IL17D: variants seen among roughly 807,000 people sequenced by gnomAD.
IL17D encodes the protein interleukin-17D.
IL17D carries 10 observed loss-of-function variants against 5.7 expected under a neutral mutation model. The ratio of observed to expected loss-of-function variants is 1.75; its 90% CI spans 1.08 to 2.97. The LOEUF is 2.97. IL17D is among the 30% of genes most tolerant of loss of function. The pLI, the probability that IL17D is intolerant of heterozygous loss-of-function variation, is 0.00. For synonymous variants in IL17D, 172 were observed against 141.7 expected (o/e 1.21, Z -1.52); for missense variants, 354 against 292.7 (o/e 1.21, Z -1.53).
chr13:20,706,946 A>G (rs1010313677), intron 1 of IL17D, among the ~76,000 whole-genome samples: 1 of 152,166 alleles, frequency 6.6e-6, no homozygotes, highest in African/African-American at 2.4e-5. Context: ...ATCATTTTTC[A>G]TATTATTTAG....
intron 1 of IL17D, among the ~76,000 whole-genome samples, chr13:20,714,970 G>A (rs1470932581): frequency 2.0e-5 from 3 of 152,144 alleles, no homozygotes; most frequent in Admixed American, 1.3e-4. Flanking sequence ...TACTATACCC[G>A]GCCCTGGCCC....
At chr13:20,720,874 A>AGCCCCCCCCCCCCCCCCCCCCCCCACC (rs1566522185) in intron 1 of IL17D, among the ~76,000 whole-genome samples, 1 of 75,716 alleles carries the variant, frequency 1.3e-5, no homozygotes, top group African/African-American at 5.9e-5. Context: ...CTCCCTCCCA[A>AGCCCCCCCCCCCCCCCCCCCCCCCACC]CCCCCCCCCC....
chr13:20,720,841 G>A (rs757711865), intron 1 of IL17D, among the ~76,000 whole-genome samples: 1 of 150,998 alleles, frequency 6.6e-6, no homozygotes, highest in East Asian at 2.0e-4. Flanking sequence ...CGGTGGCCTC[G>A]GGCTCTTCCT....
intron 1 of IL17D, among the ~76,000 whole-genome samples, chr13:20,705,552 C>T (rs1009989160): frequency 1.3e-5 from 2 of 152,118 alleles, no homozygotes; most frequent in East Asian, 1.9e-4. Context: ...TAAGGATTAG[C>T]GAAGTGTGGT....
At chr13:20,712,684 A>C (rs2058648861) in intron 1 of IL17D, 1 of 151,568 alleles carries the variant, frequency 6.6e-6, no homozygotes, top group Non-Finnish European at 1.5e-5. Flanking sequence ...AAAAAAAAAA[A>C]AAAACCCCAC....
upstream of IL17D, chr13:20,701,993 G>A (rs532100743): frequency 7.9e-5 from 12 of 152,180 alleles, no homozygotes; most frequent in Non-Finnish European, 1.2e-4. Context: ...ACAGAACTAA[G>A]TCTGGTACCA....
At chr13:20,706,006 T>C (rs1451410187) in intron 1 of IL17D, among the ~76,000 whole-genome samples, 1 of 152,150 alleles carries the variant, frequency 6.6e-6, no homozygotes, top group Non-Finnish European at 1.5e-5. Context: ...GAGATTTCCT[T>C]TTACTCAACA....
Position 20,704,182 on chromosome 13 carries a change from G to C in IL17D, c.181G>C (p.Gly61Arg), listed in dbSNP as rs1254543284. The change falls in exon 1 of 2, where the codon GGG becomes CGG. Residue 61 changes from glycine (G) to arginine (R), a missense_variant. Transcript: ENST00000682841. ...TGCCTTCCACCACACGCTGCAGCTG[G>C]GGCCGCGTGAGCAGGCGCGCAACGC... ...LSAFHHTLQL[G>R]PREQARNASC... The C allele has an allele frequency of 7.3e-7, 1 of 1,372,220 alleles. No homozygotes were observed. The highest frequency in any genetic ancestry group is 9.5e-7 in the Non-Finnish European group (1 of 1,056,498). 85.0% of individuals were successfully genotyped at this position (1,372,220 alleles called of 1,614,324 possible).
Position 20,722,241 on chromosome 13 carries a change from G to A in IL17D, c.*287G>A. 2.4e-6 allele frequency: 1 copy of A among 419,618 alleles called. No individual in the cohort carries two copies. The highest frequency in any genetic ancestry group is 4.2e-6 in the Non-Finnish European group (1 of 236,804). 26.0% of individuals were successfully genotyped at this position (419,618 alleles called of 1,614,324 possible). On this transcript the variant is annotated 3_prime_UTR_variant, in exon 2 of 2. Coordinates refer to ENST00000682841, the MANE Select transcript of IL17D (RefSeq NM_001385224.1). ...GCATGGAGGGTTTGGAAAAGTTCAC[G>A]GAGGCTCCCTGAGGAGCCTCTCAGA...
Position 20,721,994 on chromosome 13 carries a change from C to T in IL17D, c.*40C>T. The T allele has an allele frequency of 6.7e-7, 1 of 1,500,936 alleles. No individual in the cohort carries two copies. The highest frequency in any genetic ancestry group is 8.9e-7 in the Non-Finnish European group (1 of 1,128,402). 93.0% of individuals were successfully genotyped at this position (1,500,936 alleles called of 1,614,324 possible). Reference sequence around the variant, plus strand: ...CGGGAGGTCTCCCCGGCCCGCATCCCGAGGCGCCCAAGCTGGAGCCGCCTG... The same window carrying T: ...CGGGAGGTCTCCCCGGCCCGCATCCTGAGGCGCCCAAGCTGGAGCCGCCTG... On this transcript the variant is annotated 3_prime_UTR_variant, in exon 2 of 2. Transcript: ENST00000682841.
chr13:20,721,513 C>A, intron 1 of IL17D, 123 bp from the exon 2 acceptor site: 3 of 754,608 alleles, frequency 4.0e-6, no homozygotes, highest in Admixed American at 6.2e-5. Flanking sequence ...CTCGCACGCA[C>A]GCGCCCGCAG....
At chr13:20,712,026 C>T (rs1193803283) in intron 1 of IL17D, among the ~76,000 whole-genome samples, 1 of 152,172 alleles carries the variant, frequency 6.6e-6, no homozygotes, top group African/African-American at 2.4e-5. Flanking sequence ...CCCATGTGGG[C>T]TGTCCATTAA....
At chr13:20,701,891 C>T (rs555680248), upstream of IL17D, 133 of 152,280 alleles carry the variant, frequency 8.7e-4, no homozygotes, top group African/African-American at 3.1e-3. Context: ...TAAATATTTT[C>T]CTTCCCACTT....
At position 20,715,877 on chromosome 13, in the gene IL17D, A is replaced by T. The variant is rs187962091; in HGVS notation, c.291-5759A>T. Among the ~76,000 whole-genome samples, 3 of 152,186 alleles carry T rather than the reference A, an allele frequency of 2.0e-5. No homozygotes were observed. In the East Asian group the frequency reaches 5.8e-4, roughly 29 times the overall value. ...TCCCATCTCAGCCTAAGGAACTAGG[A>T]CTACAGACACGCACCACGACGCCTG... On this transcript the variant is annotated intron_variant, in intron 1 of 1. Transcript: ENST00000682841.
intron 1 of IL17D, among the ~76,000 whole-genome samples, chr13:20,709,231 C>T (rs1594997133): frequency 1.3e-5 from 2 of 149,758 alleles, no homozygotes; most frequent in East Asian, 2.0e-4. Flanking sequence ...GGGTATGAAT[C>T]AGCACAGCTT....
intron 1 of IL17D, among the ~76,000 whole-genome samples, chr13:20,711,963 C>G (rs1304558162): frequency 6.6e-6 from 1 of 152,242 alleles, no homozygotes; most frequent in African/African-American, 2.4e-5. Flanking sequence ...CCAAGTTCAG[C>G]TTCCAGTTAC....
At chr13:20,721,608 T>C (rs2058735383) in intron 1 of IL17D, 28 bp from the exon 2 acceptor site, 2 of 1,555,410 alleles carry the variant, frequency 1.3e-6, no homozygotes, top group Admixed American at 1.8e-5. Context: ...CCCCCAGGCG[T>C]GACCTCACCC....
chr13:20,718,670 T>A (rs2058702317), intron 1 of IL17D, among the ~76,000 whole-genome samples: 1 of 80,202 alleles, frequency 1.2e-5, no homozygotes, highest in Admixed American at 1.4e-4. Context: ...ATGCCCACGC[T>A]CACACACACC....
chr13:20,709,840 C>CTGGG (rs1555323354), intron 1 of IL17D, among the ~76,000 whole-genome samples: 2 of 152,172 alleles, frequency 1.3e-5, no homozygotes, highest in Non-Finnish European at 2.9e-5. Context: ...AAACAACAGC[C>CTGGG]TGGGACATAC....
Sources: gnomAD v4.1 joint callset for allele counts (sites outside exome capture counted in the v4.1 genomes callset) on GRCh38, gnomAD v4.1.1 for gene constraint, MANE v1.5 for transcripts, NCBI Gene and HGNC (gene_info 2026-07-23, HGNC 2026-07-21) for gene names.